Variants in NCK1 observed in about 807,000 individuals in gnomAD.
NCK1 encodes the protein SH2/SH3 adapter protein NCK1.
NCK1 carries 19 observed loss-of-function variants against 36.6 expected under a neutral mutation model. The observed-to-expected ratio is 0.52, with a 90% CI of 0.36 to 0.76. The LOEUF is 0.76. Among genes scored for constraint, NCK1 ranks in the 30% least tolerant of loss-of-function variants. NCK1 has a pLI of 0.00. For missense variants in NCK1, 358 were observed against 445.6 expected (o/e 0.80, Z 1.77); for synonymous variants, 165 against 156.0 (o/e 1.06, Z -0.43).
intron 1 of NCK1, among the ~76,000 whole-genome samples, chr3:136,918,046 T>A (rs1940011267): frequency 6.6e-6 from 1 of 152,002 alleles, no homozygotes; most frequent in South Asian, 2.1e-4. Context: ...ACCCTTAGAG[T>A]TCAAGGCAGG....
At chr3:136,886,817 CTTTTT>C (rs35976394) in intron 1 of NCK1, among the ~76,000 whole-genome samples, 2 of 137,076 alleles carry the variant, frequency 1.5e-5, no homozygotes, top group Non-Finnish European at 1.6e-5. Context: ...CATGATCAGT[CTTTTT>C]TTTTTTTTTT....
intron 2 of NCK1, among the ~76,000 whole-genome samples, chr3:136,944,483 AAAAT>A (rs1940761011): frequency 6.6e-6 from 1 of 152,190 alleles, no homozygotes; most frequent in African/African-American, 2.4e-5. Context: ...AGTTAGAGAA[AAAAT>A]AAATAAATTA....
intron 1 of NCK1, among the ~76,000 whole-genome samples, chr3:136,872,842 T>C (rs1183007036): frequency 6.6e-5 from 10 of 152,146 alleles, no homozygotes; most frequent in Admixed American, 6.6e-4. Flanking sequence ...GATGCTGCAA[T>C]GTGGTGTTGA....
chr3:136,920,731 T>C (rs1940089073), intron 1 of NCK1, among the ~76,000 whole-genome samples: 1 of 152,198 alleles, frequency 6.6e-6, no homozygotes, highest in Admixed American at 6.5e-5. Context: ...ATAATCTTGC[T>C]AAATTATGAG....
chr3:136,905,779 C>T (rs1209749743), intron 1 of NCK1, among the ~76,000 whole-genome samples: 1 of 151,870 alleles, frequency 6.6e-6, no homozygotes, highest in Non-Finnish European at 1.5e-5. Flanking sequence ...TGCATGCCAC[C>T]ACACCTGGTT....
intron 1 of NCK1, among the ~76,000 whole-genome samples, chr3:136,873,470 G>C (rs1345394057): frequency 1.3e-5 from 2 of 152,166 alleles, no homozygotes; most frequent in Non-Finnish European, 2.9e-5. Context: ...GAAGGGGCTT[G>C]CCTTGTTTTG....
chr3:136,873,707 A>T (rs1938689544), intron 1 of NCK1, among the ~76,000 whole-genome samples: 1 of 152,118 alleles, frequency 6.6e-6, no homozygotes, highest in Non-Finnish European at 1.5e-5. Context: ...AGGTAATTGA[A>T]TCGTGGGAGT....
At chr3:136,947,806 T>G (rs572068429) in intron 3 of NCK1, among the ~76,000 whole-genome samples, 1 of 152,312 alleles carries the variant, frequency 6.6e-6, no homozygotes, top group East Asian at 1.9e-4. Flanking sequence ...TTCTTCATTT[T>G]TGGGAATTCA....
intron 1 of NCK1, among the ~76,000 whole-genome samples, chr3:136,905,325 C>G (rs981288019): frequency 9.9e-5 from 15 of 152,162 alleles, no homozygotes; most frequent in Admixed American, 3.9e-4. Flanking sequence ...TGTGCCCAAC[C>G]TGGTTTTCCT....
intron 2 of NCK1, among the ~76,000 whole-genome samples, chr3:136,936,473 G>A (rs1940534317): frequency 6.6e-6 from 1 of 152,158 alleles, no homozygotes; most frequent in Admixed American, 6.5e-5. Flanking sequence ...TACAGTTATT[G>A]TTTGAATATC....
intron 1 of NCK1, among the ~76,000 whole-genome samples, chr3:136,865,016 TGGC>T (rs906160679): frequency 3.3e-5 from 5 of 151,842 alleles, no homozygotes; most frequent in Non-Finnish European, 7.4e-5. Flanking sequence ...TGGAGTGCAG[TGGC>T]GGGATCTTGG....
At chr3:136,919,597 G>A (rs1228532023) in intron 1 of NCK1, among the ~76,000 whole-genome samples, 1 of 152,112 alleles carries the variant, frequency 6.6e-6, no homozygotes, top group Non-Finnish European at 1.5e-5. Flanking sequence ...GTAAATACAT[G>A]AATAATGCTA....
At chr3:136,879,452 A>G (rs1938868790) in intron 1 of NCK1, among the ~76,000 whole-genome samples, 1 of 152,174 alleles carries the variant, frequency 6.6e-6, no homozygotes, top group African/African-American at 2.4e-5. Context: ...AGACCACACC[A>G]ATTACTGTAA....
chr3:136,932,085 T>C (rs2043365), intron 2 of NCK1, among the ~76,000 whole-genome samples: 113,858 of 148,812 alleles, frequency 0.77, 43,652 homozygotes, highest in East Asian at 0.92. Flanking sequence ...TGCCACTGCA[T>C]GCCAGCCTGG....
At chr3:136,895,624 G>T (rs915314603) in intron 1 of NCK1, among the ~76,000 whole-genome samples, 6 of 151,992 alleles carry the variant, frequency 3.9e-5, no homozygotes, top group African/African-American at 1.5e-4. Flanking sequence ...GAGTGCAGTG[G>T]CACAATCTCG....
At chr3:136,883,233 C>T (rs1938991814) in intron 1 of NCK1, among the ~76,000 whole-genome samples, 1 of 152,156 alleles carries the variant, frequency 6.6e-6, no homozygotes, top group Admixed American at 6.5e-5. Context: ...CTTCTTATTA[C>T]ATGTAGAATA....
Position 136,928,203 on chromosome 3 carries a change from G to T in NCK1, c.202G>T (p.Val68Leu), listed in dbSNP as rs370617853. Reference protein sequence around the residue: ...RKNSARKASIVKNLKDTLGIG... With the variant: ...RKNSARKASILKNLKDTLGIG... ...AAACAGTGCTCGGAAAGCATCTATT[G>T]TGAAAAACCTAAAGGATACCTTAGG... Residue 68 changes from valine (V) to leucine (L), a missense_variant, in exon 2 of 4, where the codon GTG becomes TTG. By Grantham distance (32) the Val-to-Leu change is conservative. This residue lies in a region of NCK1 where 143 missense variants were observed against 162.4 expected (regional missense o/e 0.88). Transcript: ENST00000481752. The T allele has an allele frequency of 1.9e-6, 3 of 1,613,208 alleles. No individual in the cohort carries two copies. Among genetic ancestry groups the T allele is most frequent in the Non-Finnish European group, 2.5e-6 (3 of 1,179,858 alleles).
chr3:136,946,342 T>TA (rs747226627), intron 3 of NCK1, 47 bp downstream of exon 3: 143 of 1,472,610 alleles, frequency 9.7e-5, no homozygotes, highest in Admixed American at 3.7e-4. Context: ...CTGGGTATTT[T>TA]AAAAAAAAGA....
In NCK1 at chr3:136,874,942, G is replaced by C. The variant is rs116600436; in HGVS notation, c.-19+12589G>C. On this transcript the variant is annotated intron_variant, in intron 1 of 3. Transcript: ENST00000481752. ...CTTTTGAGAAGTCTGAAGACATTCT[G>C]ATTCTTGATTGTAAAAATGTTTTGC... Among the ~76,000 whole-genome samples the C allele has an allele frequency of 2.5e-3, 374 of 152,218 alleles. 1 individual carries two copies. The highest frequency in any genetic ancestry group is 7.7e-3 in the African/African-American group (320 of 41,526).
Sources: gnomAD v4.1 joint callset for allele counts (sites outside exome capture counted in the v4.1 genomes callset) on GRCh38, gnomAD v4.1.1 for gene constraint, gnomAD v4.1.1 regional missense constraint, MANE v1.5 for transcripts, NCBI Gene and HGNC (gene_info 2026-07-23, HGNC 2026-07-21) for gene names.